Variants in SNX29 observed in about 807,000 individuals in gnomAD.
SNX29 encodes sorting nexin 29, also known as sorting nexin-29.
Under a neutral mutation model 102.1 loss-of-function variants are expected in SNX29, and 78 were observed. The ratio of observed to expected loss-of-function variants is 0.76; its 90% CI spans 0.64 to 0.92. The LOEUF is 0.92. Ranked by LOEUF, SNX29 falls within the 40% of genes least tolerant of loss-of-function variation. The pLI is 0.00. For missense variants in SNX29, 1,280 were observed against 1,061.7 expected (o/e 1.21, Z -2.86); for synonymous variants, 580 against 414.5 (o/e 1.40, Z -4.85).
intron 4 of SNX29, among the ~76,000 whole-genome samples, chr16:12,040,576 T>G (rs2049839472): frequency 1.3e-5 from 2 of 152,134 alleles, no homozygotes; most frequent in African/African-American, 4.8e-5. Context: ...AAATCTTTCG[T>G]AAGGAACTAG....
chr16:12,079,504 G>A (rs191574), intron 11 of SNX29, among the ~76,000 whole-genome samples: 1 of 144,234 alleles, frequency 6.9e-6, no homozygotes, highest in African/African-American at 2.7e-5. Context: ...GGGGGCACTT[G>A]TTCCCAATTA....
At chr16:12,148,134 G>A (rs1426910436) in intron 13 of SNX29, among the ~76,000 whole-genome samples, 1 of 152,206 alleles carries the variant, frequency 6.6e-6, no homozygotes, top group Non-Finnish European at 1.5e-5. Flanking sequence ...TTAAGCAGAA[G>A]AACTTTCCTT....
chr16:12,221,022 C>T (rs1294204421), intron 14 of SNX29, among the ~76,000 whole-genome samples: 2 of 152,158 alleles, frequency 1.3e-5, no homozygotes, highest in Non-Finnish European at 2.9e-5. Flanking sequence ...GATGCTCACC[C>T]TCTCTTCATT....
At chr16:12,181,915 A>G (rs1375664971) in intron 13 of SNX29, among the ~76,000 whole-genome samples, 2 of 143,042 alleles carry the variant, frequency 1.4e-5, no homozygotes, top group East Asian at 4.1e-4. Flanking sequence ...ACGGAGTCTC[A>G]CTCTGTCACG....
intron 18 of SNX29, among the ~76,000 whole-genome samples, chr16:12,468,896 G>C (rs1215248541): frequency 2.0e-5 from 3 of 152,228 alleles, no homozygotes; most frequent in Non-Finnish European, 4.4e-5. Context: ...GGGTGGGAAG[G>C]CTGGTCTTTG....
intron 18 of SNX29, among the ~76,000 whole-genome samples, chr16:12,459,948 T>G (rs1393176378): frequency 6.6e-6 from 1 of 152,066 alleles, no homozygotes; most frequent in Non-Finnish European, 1.5e-5. Context: ...GCTCACAGAG[T>G]TCCTCTCCAG....
intron 14 of SNX29, among the ~76,000 whole-genome samples, chr16:12,221,858 T>C (rs1004431037): frequency 8.5e-5 from 13 of 152,166 alleles, no homozygotes; most frequent in African/African-American, 2.4e-4. Context: ...CCGTGCTTCC[T>C]TGGGTGCACT....
chr16:12,413,720 C>T (rs1053770941), intron 18 of SNX29, among the ~76,000 whole-genome samples: 5 of 152,188 alleles, frequency 3.3e-5, no homozygotes, highest in South Asian at 2.1e-4. Flanking sequence ...CATACGCAGG[C>T]GCTGGACGAT....
chr16:12,363,100 C>T (rs2082353599), intron 16 of SNX29, among the ~76,000 whole-genome samples: 1 of 152,144 alleles, frequency 6.6e-6, no homozygotes, highest in Non-Finnish European at 1.5e-5. Context: ...GCTGTGATGG[C>T]CAGAAGGGAG....
intron 10 of SNX29, among the ~76,000 whole-genome samples, chr16:12,077,017 T>A (rs1477629217): frequency 6.6e-6 from 1 of 152,234 alleles, no homozygotes; most frequent in East Asian, 1.9e-4. Context: ...CCCATGCCTG[T>A]AATCTCAGCA....
At chr16:12,123,337 A>G (rs1307535294) in intron 11 of SNX29, among the ~76,000 whole-genome samples, 1 of 152,154 alleles carries the variant, frequency 6.6e-6, no homozygotes, top group Non-Finnish European at 1.5e-5. Context: ...AAACAGTACC[A>G]TAGTATTGTT....
At chr16:11,997,894 G>A (rs1448968617) in intron 1 of SNX29, among the ~76,000 whole-genome samples, 3 of 152,122 alleles carry the variant, frequency 2.0e-5, no homozygotes. Flanking sequence ...AGTCCTGGGT[G>A]GATCAACACA....
chr16:12,322,460 C>T (rs1406440576), intron 15 of SNX29, among the ~76,000 whole-genome samples: 1 of 152,162 alleles, frequency 6.6e-6, no homozygotes, highest in Non-Finnish European at 1.5e-5. Flanking sequence ...ATCACATATC[C>T]AATTGTTAAA....
At chr16:12,135,682 G>T in intron 13 of SNX29, 1 of 1,196,618 alleles carries the variant, frequency 8.4e-7, no homozygotes, top group Non-Finnish European at 1.1e-6. Flanking sequence ...TCCTGAAGCT[G>T]TGTTTCCTCT....
chr16:12,099,846 G>A (rs2052934364), intron 11 of SNX29, among the ~76,000 whole-genome samples: 1 of 152,148 alleles, frequency 6.6e-6, no homozygotes, highest in African/African-American at 2.4e-5. Flanking sequence ...CTCTGAGATG[G>A]AAGGACCCTA....
intron 20 of SNX29, among the ~76,000 whole-genome samples, chr16:12,535,520 A>C (rs1239684838): frequency 4.6e-5 from 7 of 152,190 alleles, no homozygotes; most frequent in Non-Finnish European, 7.3e-5. Context: ...CACAGAGTGA[A>C]GTGGCCAAGC....
chr16:11,987,184 C>A (rs1421070436), intron 1 of SNX29, among the ~76,000 whole-genome samples: 1 of 151,606 alleles, frequency 6.6e-6, no homozygotes, highest in Non-Finnish European at 1.5e-5. Context: ...TCCTCCTCAG[C>A]TCCCCAGGAG....
At chr16:12,443,414 A>G in intron 18 of SNX29, 1 of 157,954 alleles carries the variant, frequency 6.3e-6, no homozygotes, top group Non-Finnish European at 1.4e-5. Flanking sequence ...CACAATCCTC[A>G]CTGCACCCCA....
intron 19 of SNX29, among the ~76,000 whole-genome samples, chr16:12,491,838 G>A (rs1219610957): frequency 1.3e-5 from 2 of 152,178 alleles, no homozygotes; most frequent in Middle Eastern, 3.2e-3. Context: ...CTTCATCCAT[G>A]TCTGTACAAA....
Sources: allele counts gnomAD v4.1 joint callset (sites outside exome capture counted in the v4.1 genomes callset), GRCh38; gene constraint gnomAD v4.1.1; transcripts MANE v1.5; gene names NCBI Gene and HGNC (gene_info 2026-07-23, HGNC 2026-07-21).